CNTNAP2: variants seen among roughly 807,000 people sequenced by gnomAD.
CNTNAP2 encodes contactin-associated protein-like 2.
CNTNAP2 carries 98 observed loss-of-function variants against 155.2 expected under a neutral mutation model. The ratio of observed to expected loss-of-function variants is 0.63; its 90% CI spans 0.54 to 0.75. The LOEUF is 0.75. Ranked by LOEUF, CNTNAP2 falls within the 30% of genes least tolerant of loss-of-function variation. The pLI is 0.00. For missense variants in CNTNAP2, 1,727 were observed against 1,688.1 expected (o/e 1.02, Z -0.40); for synonymous variants, 651 against 631.2 (o/e 1.03, Z -0.47).
At chr7:147,557,202 T>G (rs1055743717) in intron 11 of CNTNAP2, among the ~76,000 whole-genome samples, 5 of 151,840 alleles carry the variant, frequency 3.3e-5, no homozygotes, top group Non-Finnish European at 5.9e-5. Flanking sequence ...AGGCAAAGAT[T>G]GCAGTGAGCC....
At chr7:147,761,798 C>T (rs1797302329) in intron 13 of CNTNAP2, among the ~76,000 whole-genome samples, 1 of 152,100 alleles carries the variant, frequency 6.6e-6, no homozygotes, top group Non-Finnish European at 1.5e-5. Flanking sequence ...CAGTTCTACT[C>T]ACAGATTAAT....
At chr7:147,588,967 A>G (rs1228454255) in intron 12 of CNTNAP2, among the ~76,000 whole-genome samples, 1 of 152,160 alleles carries the variant, frequency 6.6e-6, no homozygotes, top group Non-Finnish European at 1.5e-5. Context: ...GTATATGTTG[A>G]TTACTTCATG....
At chr7:148,216,933 G>A (rs143793737) in intron 18 of CNTNAP2, among the ~76,000 whole-genome samples, 2,272 of 152,120 alleles carry the variant, frequency 0.015, 30 homozygotes, top group Non-Finnish European at 0.021. Context: ...CTTGCCTGCC[G>A]CCATGTAAGA....
intron 1 of CNTNAP2, among the ~76,000 whole-genome samples, chr7:146,136,718 T>C (rs1460934390): frequency 1.3e-5 from 2 of 152,064 alleles, no homozygotes; most frequent in East Asian, 3.9e-4. Context: ...CATGCACTAG[T>C]TCTGTAAACG....
intron 1 of CNTNAP2, among the ~76,000 whole-genome samples, chr7:146,544,853 A>G (rs931560170): frequency 6.6e-6 from 1 of 151,958 alleles, no homozygotes; most frequent in African/African-American, 2.4e-5. Context: ...TAGTGTTGAC[A>G]GTATAGGAAT....
At chr7:146,162,034 T>C (rs1249398752) in intron 1 of CNTNAP2, among the ~76,000 whole-genome samples, 4 of 152,128 alleles carry the variant, frequency 2.6e-5, no homozygotes, top group African/African-American at 4.8e-5. Flanking sequence ...AAGACTTAAA[T>C]GTTAGACCTA....
chr7:146,661,483 T>C (rs1800086862), intron 1 of CNTNAP2, among the ~76,000 whole-genome samples: 1 of 152,276 alleles, frequency 6.6e-6, no homozygotes, highest in South Asian at 2.1e-4. Flanking sequence ...TTTCTGTCTC[T>C]GTAGTTGGAC....
At chr7:146,906,519 G>C (rs1336490972) in intron 3 of CNTNAP2, among the ~76,000 whole-genome samples, 2 of 152,020 alleles carry the variant, frequency 1.3e-5, no homozygotes, top group Non-Finnish European at 2.9e-5. Context: ...GCCTAACTGG[G>C]AGGCACCCCC....
intron 1 of CNTNAP2, among the ~76,000 whole-genome samples, chr7:146,418,652 G>T (rs1227821922): frequency 6.6e-6 from 1 of 151,868 alleles, no homozygotes; most frequent in Non-Finnish European, 1.5e-5. Flanking sequence ...ATCCTTCTTT[G>T]GTACATTCTT....
intron 14 of CNTNAP2, among the ~76,000 whole-genome samples, chr7:147,907,936 A>AT (rs35395444): frequency 0.22 from 32,507 of 145,674 alleles, 3,730 homozygotes; most frequent in Middle Eastern, 0.3. Context: ...TGCCTAGCTA[A>AT]TTTTTTTTTT....
At chr7:147,271,700 G>T (rs1237538083) in intron 8 of CNTNAP2, among the ~76,000 whole-genome samples, 1 of 152,068 alleles carries the variant, frequency 6.6e-6, no homozygotes, top group Non-Finnish European at 1.5e-5. Context: ...AAAACCATCA[G>T]ATCTCATGAG....
At chr7:148,019,151 AT>A (rs1220355092) in intron 15 of CNTNAP2, among the ~76,000 whole-genome samples, 1 of 152,200 alleles carries the variant, frequency 6.6e-6, no homozygotes, top group Non-Finnish European at 1.5e-5. Context: ...TGTGAAAATC[AT>A]TTTACAAAGA....
At chr7:147,726,442 C>T (rs550066768) in intron 13 of CNTNAP2, among the ~76,000 whole-genome samples, 8 of 152,020 alleles carry the variant, frequency 5.3e-5, no homozygotes, top group South Asian at 4.1e-4. Flanking sequence ...GCCAGTACAC[C>T]GCAAAGAGGG....
At chr7:146,338,152 G>A (rs955817431) in intron 1 of CNTNAP2, among the ~76,000 whole-genome samples, 1 of 152,088 alleles carries the variant, frequency 6.6e-6, no homozygotes, top group East Asian at 1.9e-4. Context: ...GTTTTCTGGG[G>A]CAGGCATAGG....
At chr7:148,306,931 G>T (rs952335380) in intron 21 of CNTNAP2, among the ~76,000 whole-genome samples, 1 of 152,144 alleles carries the variant, frequency 6.6e-6, no homozygotes, top group South Asian at 2.1e-4. Context: ...CACAAATGGG[G>T]CCTGTCACCC....
intron 1 of CNTNAP2, among the ~76,000 whole-genome samples, chr7:146,772,613 G>T (rs1306373191): frequency 1.3e-5 from 2 of 152,078 alleles, no homozygotes; most frequent in African/African-American, 4.8e-5. Flanking sequence ...AGGTTGCAGT[G>T]AGCCGAGCTG....
In CNTNAP2 at chr7:147,427,661, G is replaced by A. The variant is rs118001158; in HGVS notation, c.1670+31881G>A. 1.8e-3 allele frequency among the ~76,000 whole-genome samples: 273 copies of A among 152,142 alleles called. 2 individuals are homozygous for A. In the East Asian group the frequency reaches 0.036, roughly 20 times the overall value. On this transcript the variant is annotated intron_variant, in intron 10 of 23. Coordinates refer to ENST00000361727, the MANE Select transcript of CNTNAP2 (RefSeq NM_014141.6). ...ACATTGAAAACTGAGAGAATTGAAC[G>A]GCAGCCACAATGAAGTACATGAAGA...
chr7:146,434,556 A>T (rs1796215653), intron 1 of CNTNAP2, among the ~76,000 whole-genome samples: 1 of 152,184 alleles, frequency 6.6e-6, no homozygotes, highest in African/African-American at 2.4e-5. Flanking sequence ...TGCAGGCATG[A>T]TACGCTTCAG....
At chr7:147,947,037 C>T (rs76633493) in intron 14 of CNTNAP2, among the ~76,000 whole-genome samples, 8,616 of 151,832 alleles carry the variant, frequency 0.057, 310 homozygotes, top group South Asian at 0.14. Context: ...GCCCAAAGCA[C>T]GGTGGTCTGG....
Sources: gnomAD v4.1 joint callset for allele counts (sites outside exome capture counted in the v4.1 genomes callset) on GRCh38, gnomAD v4.1.1 for gene constraint, MANE v1.5 for transcripts, NCBI Gene and HGNC (gene_info 2026-07-23, HGNC 2026-07-21) for gene names.